FARS2: variants seen among roughly 807,000 people sequenced by gnomAD.
FARS2 encodes the protein phenylalanyl-tRNA synthetase 2, mitochondrial.
FARS2 carries 40 observed loss-of-function variants against 46.4 expected under a neutral mutation model. The ratio of observed to expected loss-of-function variants is 0.86; its 90% CI spans 0.67 to 1.12. FARS2 has a LOEUF of 1.12. Ranked by LOEUF, FARS2 falls within the 50% of genes most tolerant of loss-of-function variation. The probability of loss-of-function intolerance (pLI) is 0.00; values close to 1 mark genes in which losing one functional copy is unlikely to be tolerated. For synonymous variants in FARS2, 234 were observed against 214.9 expected (o/e 1.09, Z -0.78); for missense variants, 513 against 567.9 (o/e 0.90, Z 0.98).
At chr6:5,543,559 T>G (rs1381745625) in intron 4 of FARS2, among the ~76,000 whole-genome samples, 2 of 152,066 alleles carry the variant, frequency 1.3e-5, no homozygotes, top group Non-Finnish European at 2.9e-5. Flanking sequence ...GAGACGGGGT[T>G]TCACTGTTGG....
At chr6:5,389,839 C>CGTT (rs762774023) in intron 2 of FARS2, among the ~76,000 whole-genome samples, 3 of 134,990 alleles carry the variant, frequency 2.2e-5, no homozygotes, top group Admixed American at 1.5e-4. Context: ...TTGTTTTTGT[C>CGTT]GTTGTTGTTG....
chr6:5,323,767 A>G (rs765857948), intron 1 of FARS2, among the ~76,000 whole-genome samples: 3 of 152,194 alleles, frequency 2.0e-5, no homozygotes, highest in African/African-American at 7.2e-5. Flanking sequence ...GAGTATTACC[A>G]TCTTGGACAA....
intron 5 of FARS2, among the ~76,000 whole-genome samples, chr6:5,601,250 G>A (rs1289135007): frequency 7.9e-5 from 12 of 152,254 alleles, no homozygotes; most frequent in Admixed American, 1.3e-4. Flanking sequence ...GGCCGGGCTC[G>A]GTGGTTCACG....
chr6:5,356,776 G>C (rs569981898), intron 1 of FARS2, among the ~76,000 whole-genome samples: 16 of 152,192 alleles, frequency 1.1e-4, no homozygotes, highest in African/African-American at 3.9e-4. Context: ...TTCACTGTTT[G>C]CTAATTTAGC....
intron 6 of FARS2, among the ~76,000 whole-genome samples, chr6:5,637,210 A>G (rs1235600027): frequency 5.3e-5 from 8 of 152,354 alleles, no homozygotes; most frequent in East Asian, 1.9e-4. Context: ...AGGCTCTCCA[A>G]CCATTCCTGG....
chr6:5,263,231 T>C (rs1271730718), intron 1 of FARS2, among the ~76,000 whole-genome samples: 1 of 152,256 alleles, frequency 6.6e-6, no homozygotes, highest in Non-Finnish European at 1.5e-5. Context: ...ACATAATTAA[T>C]GTATCTAAAT....
At chr6:5,251,781 G>GTGGA in the FARS2 span, among the ~76,000 whole-genome samples, 1 of 152,174 alleles carries the variant, frequency 6.6e-6, no homozygotes, top group Non-Finnish European at 1.5e-5. Context: ...GACACATAGG[G>GTGGA]TGGAAGAGGC....
chr6:5,616,096 CTG>C (rs1035564440), intron 6 of FARS2, among the ~76,000 whole-genome samples: 2 of 150,794 alleles, frequency 1.3e-5, no homozygotes, highest in African/African-American at 4.9e-5. Flanking sequence ...ATGTGCCACT[CTG>C]TGTGTTTCTT....
intron 6 of FARS2, among the ~76,000 whole-genome samples, chr6:5,691,209 C>T (rs1227945629): frequency 6.6e-6 from 1 of 152,238 alleles, no homozygotes; most frequent in Non-Finnish European, 1.5e-5. Flanking sequence ...ATTCTCCATT[C>T]AGCTTTGTTC....
intron 6 of FARS2, among the ~76,000 whole-genome samples, chr6:5,714,295 A>G (rs1217226875): frequency 6.6e-6 from 1 of 152,208 alleles, no homozygotes; most frequent in African/African-American, 2.4e-5. Flanking sequence ...TGGTAATGTC[A>G]GGAACAGCAC....
intron 6 of FARS2, among the ~76,000 whole-genome samples, chr6:5,685,717 ACCCTC>A (rs780343276): frequency 4.1e-4 from 62 of 152,088 alleles, no homozygotes; most frequent in Non-Finnish European, 7.9e-4. Context: ...AACATGCTAT[ACCCTC>A]TCTTGGACCA....
intron 6 of FARS2, among the ~76,000 whole-genome samples, chr6:5,741,738 C>T (rs1761355033): frequency 6.6e-6 from 1 of 152,234 alleles, no homozygotes; most frequent in Non-Finnish European, 1.5e-5. Context: ...GCAACCTCTG[C>T]CTCCTGGGTT....
At chr6:5,564,227 T>G (rs368802255) in intron 5 of FARS2, among the ~76,000 whole-genome samples, 2 of 152,156 alleles carry the variant, frequency 1.3e-5, no homozygotes, top group African/African-American at 4.8e-5. Context: ...GGTAGGTAAT[T>G]TCCATCTAAA....
chr6:5,542,128 G>T (rs561779487), intron 4 of FARS2, among the ~76,000 whole-genome samples: 1 of 152,028 alleles, frequency 6.6e-6, no homozygotes, highest in Admixed American at 6.5e-5. Flanking sequence ...TTCTCAGCAG[G>T]GTTTTTGTGA....
At chr6:5,534,546 C>G (rs1037274207) in intron 4 of FARS2, among the ~76,000 whole-genome samples, 1 of 152,070 alleles carries the variant, frequency 6.6e-6, no homozygotes, top group Non-Finnish European at 1.5e-5. Flanking sequence ...TTCACTTAGC[C>G]TGTTGTTTTT....
intron 6 of FARS2, among the ~76,000 whole-genome samples, chr6:5,622,681 A>G (rs1474307807): frequency 1.3e-5 from 2 of 152,184 alleles, no homozygotes; most frequent in African/African-American, 2.4e-5. Context: ...GGAGCCAACT[A>G]TGAAGTGGAG....
intron 6 of FARS2, among the ~76,000 whole-genome samples, chr6:5,621,191 G>A (rs6597151): frequency 0.55 from 82,917 of 151,796 alleles, 23,083 homozygotes; most frequent in African/African-American, 0.64. Flanking sequence ...GGCTCAAGTG[G>A]TCTTCCTACC....
chr6:5,371,532 GA>G (rs1010805047), intron 2 of FARS2, among the ~76,000 whole-genome samples: 6 of 152,034 alleles, frequency 3.9e-5, no homozygotes, highest in Admixed American at 6.6e-5. Flanking sequence ...ATTAATTGTG[GA>G]AAAAAATCTT....
intron 6 of FARS2, among the ~76,000 whole-genome samples, chr6:5,691,981 C>T (rs1012133207): frequency 6.6e-6 from 1 of 152,234 alleles, no homozygotes; most frequent in Non-Finnish European, 1.5e-5. Flanking sequence ...GTAGGACCCT[C>T]CGAGCCAGGC....
Sources: gnomAD v4.1 joint callset for allele counts (sites outside exome capture counted in the v4.1 genomes callset) on GRCh38, gnomAD v4.1.1 for gene constraint, MANE v1.5 for transcripts, NCBI Gene and HGNC (gene_info 2026-07-23, HGNC 2026-07-21) for gene names.